TMEM108: variants seen among roughly 807,000 people sequenced by gnomAD.
TMEM108 encodes the protein cancer/testis antigen 124.
A neutral mutation model predicts 35.1 loss-of-function variants in TMEM108; 12 were observed. The observed-to-expected ratio is 0.34, with a 90% CI of 0.22 to 0.55. The LOEUF (loss-of-function observed/expected upper bound fraction) is 0.55, where lower values mean the gene tolerates loss of function less well. Among genes scored for constraint, TMEM108 ranks in the 20% least tolerant of loss-of-function variants. TMEM108 has a pLI of 0.89. For missense variants in TMEM108, 680 were observed against 753.3 expected, an observed-to-expected ratio of 0.90 and a Z score of 1.14; for synonymous variants, 287 against 308.6, an observed-to-expected ratio of 0.93 and a Z score of 0.73.
intron 2 of TMEM108, among the ~76,000 whole-genome samples, chr3:133,093,281 G>A (rs1462300567): frequency 1.3e-5 from 2 of 152,132 alleles, no homozygotes; most frequent in South Asian, 2.1e-4. Context: ...GTGAGCCACC[G>A]CGCCCGGTCA....
intron 2 of TMEM108, among the ~76,000 whole-genome samples, chr3:133,073,533 T>TCA (rs1188189179): frequency 1.4e-5 from 2 of 141,172 alleles, no homozygotes; most frequent in African/African-American, 5.4e-5. Context: ...TATATATATA[T>TCA]ATCACATTTT....
In TMEM108 at chr3:133,395,982, T is replaced by C; in HGVS notation, c.1724T>C (p.Ile575Thr). 1 of 1,594,354 alleles carries C rather than the reference T, an allele frequency of 6.3e-7. No homozygotes were observed. Among genetic ancestry groups the C allele is most frequent in the Non-Finnish European group, 8.5e-7 (1 of 1,170,904 alleles). The change falls in exon 6 of 6, where the codon ATC becomes ACC. Residue 575 changes from isoleucine (I) to threonine (T), a missense_variant. By Grantham distance (89) the Ile-to-Thr change is moderately conservative (BLOSUM62 -1). Transcript: ENST00000321871. ...GTGGGAAACGATCAAGTATCTGAGA[T>C]CTAACTACAGCAGGCATCACTTTGC... ...LFVGNDQVSE[I>T]
rs138743391 is a variant in TMEM108 at position 133,273,781 on chromosome 3, C to A, written c.40+44430C>A. 2.6e-5 allele frequency among the ~76,000 whole-genome samples: 4 copies of A among 152,250 alleles called. No individual in the cohort carries two copies. In the East Asian group the frequency reaches 7.7e-4, roughly 29 times the overall value. ...ATGGCAAACGGAAGAAATAGATTAG[C>A]CAATCATGCCTCCATGGTGTTGTTG... On this transcript the variant is annotated intron_variant, in intron 3 of 5. Transcript: ENST00000321871.
chr3:133,299,299 G>A (rs745879114), intron 3 of TMEM108, among the ~76,000 whole-genome samples: 5 of 152,168 alleles, frequency 3.3e-5, no homozygotes, highest in African/African-American at 4.8e-5. Context: ...GTGGCAGATA[G>A]ATTAACCAAC....
chr3:133,054,391 G>T (rs1474421250), intron 2 of TMEM108, among the ~76,000 whole-genome samples: 3 of 152,126 alleles, frequency 2.0e-5, no homozygotes, highest in Non-Finnish European at 4.4e-5. Context: ...TGTCAAATTT[G>T]ATTCTTATGG....
At chr3:133,207,039 G>A (rs546933725) in intron 2 of TMEM108, among the ~76,000 whole-genome samples, 1 of 152,362 alleles carries the variant, frequency 6.6e-6, no homozygotes, top group African/African-American at 2.4e-5. Context: ...TGGCTACAGA[G>A]GGTTTGCGGA....
At chr3:133,092,995 T>G (rs1267591152) in intron 2 of TMEM108, among the ~76,000 whole-genome samples, 1 of 151,572 alleles carries the variant, frequency 6.6e-6, no homozygotes, top group Admixed American at 6.6e-5. Flanking sequence ...GTAAAGTTTT[T>G]TTTTTTTTTT....
chr3:133,199,489 T>C (rs1455395533), intron 2 of TMEM108, among the ~76,000 whole-genome samples: 1 of 152,226 alleles, frequency 6.6e-6, no homozygotes, highest in African/African-American at 2.4e-5. Flanking sequence ...TTCTGTTTGT[T>C]AGTTTTCCTT....
At chr3:133,332,956 A>G (rs78646661) in intron 3 of TMEM108, among the ~76,000 whole-genome samples, 168 of 152,298 alleles carry the variant, frequency 1.1e-3, no homozygotes, top group African/African-American at 3.7e-3. Context: ...AGTCCCTAAC[A>G]TGAATCCACC....
chr3:133,283,939 T>TA (rs1445857714), intron 3 of TMEM108, among the ~76,000 whole-genome samples: 1 of 152,138 alleles, frequency 6.6e-6, no homozygotes, highest in Non-Finnish European at 1.5e-5. Flanking sequence ...TGTTTCCAGG[T>TA]AGCAAACGTG....
At chr3:133,159,161 A>C (rs1331466573) in intron 2 of TMEM108, among the ~76,000 whole-genome samples, 1 of 152,178 alleles carries the variant, frequency 6.6e-6, no homozygotes, top group East Asian at 1.9e-4. Context: ...ATTCCCCACT[A>C]TTGTAAGGAA....
At position 133,380,991 on chromosome 3, in the gene TMEM108, G is replaced by C. The variant is rs532834464; in HGVS notation, c.1280G>C (p.Gly427Ala). The change falls in exon 4 of 6, where the codon GGC becomes GCC. Residue 427 changes from glycine (G) to alanine (A), a missense_variant. This residue lies in a region of TMEM108 where 526 missense variants were observed against 532.1 expected (regional missense o/e 0.99). Coordinates refer to ENST00000321871, the MANE Select transcript of TMEM108 (RefSeq NM_023943.4). The surrounding 1 kb of genome is among the most constrained non-coding windows in gnomAD (Gnocchi z 5.3). ...TCCACAGTGGTATCCACAGCCACAG[G>C]CAATTTCCTCAACCGCCTGGTCCCC... is the stretch of plus-strand genomic sequence containing the variant. ...PLSTVVSTATGNFLNRLVPAG... is the reference protein window; with the variant it reads ...PLSTVVSTATANFLNRLVPAG... 2 of 1,614,190 alleles carry C rather than the reference G, an allele frequency of 1.2e-6. No individual in the cohort carries two copies. The highest frequency in any genetic ancestry group is 3.3e-5 in the Admixed American group (2 of 60,018).
chr3:133,386,468 C>G, intron 4 of TMEM108: 5 of 1,536,086 alleles, frequency 3.3e-6, no homozygotes, highest in Non-Finnish European at 4.4e-6. Context: ...AATGTGAATA[C>G]AGTACTCAGG....
intron 3 of TMEM108, among the ~76,000 whole-genome samples, chr3:133,356,443 A>G (rs999977865): frequency 4.6e-5 from 7 of 152,186 alleles, no homozygotes; most frequent in Admixed American, 3.9e-4. Context: ...AAATACCATT[A>G]TAATTTTTCA....
chr3:133,147,694 G>T (rs1414084380), intron 2 of TMEM108, among the ~76,000 whole-genome samples: 1 of 152,166 alleles, frequency 6.6e-6, no homozygotes, highest in East Asian at 1.9e-4. Flanking sequence ...TTGCTGAGAA[G>T]ATTTTTTTAT....
intron 2 of TMEM108, among the ~76,000 whole-genome samples, chr3:133,223,465 G>A (rs554417515): frequency 1.3e-5 from 2 of 152,124 alleles, no homozygotes; most frequent in African/African-American, 4.8e-5. Context: ...TGCAAGGGTG[G>A]GTTGTTTTTC....
intron 3 of TMEM108, among the ~76,000 whole-genome samples, chr3:133,260,948 G>C (rs1185614678): frequency 1.3e-5 from 2 of 152,204 alleles, no homozygotes; most frequent in African/African-American, 2.4e-5. Context: ...TCAACCCAGA[G>C]AGTCAACAGA....
chr3:133,381,207 C>G, intron 4 of TMEM108, 46 bp downstream of exon 4: 1 of 1,519,486 alleles, frequency 6.6e-7, no homozygotes, highest in Non-Finnish European at 8.9e-7. Context: ...TACCACATCA[C>G]TGGCTCAACC....
At chr3:133,281,968 T>C (rs551616180) in intron 3 of TMEM108, among the ~76,000 whole-genome samples, 4 of 152,210 alleles carry the variant, frequency 2.6e-5, no homozygotes, top group East Asian at 1.9e-4. Context: ...CCATCCTGGC[T>C]AACACGGTGA....
Sources: gnomAD v4.1 joint callset for allele counts (sites outside exome capture counted in the v4.1 genomes callset) on GRCh38, gnomAD v4.1.1 for gene constraint, gnomAD v4.1.1 regional missense constraint, Gnocchi (gnomAD v3.1) non-coding constraint, MANE v1.5 for transcripts, NCBI Gene and HGNC (gene_info 2026-07-23, HGNC 2026-07-21) for gene names.